Variants in KIFBP observed in about 807,000 individuals in gnomAD.
KIFBP encodes kinesin family binding protein.
Under a neutral mutation model 58.9 loss-of-function variants are expected in KIFBP, and 46 were observed. The observed-to-expected ratio is 0.78, with a 90% CI of 0.62 to 1.00. The LOEUF is 1.00. Among genes scored for constraint, KIFBP ranks in the 50% least tolerant of loss-of-function variants. The pLI, the probability that KIFBP is intolerant of heterozygous loss-of-function variation, is 0.00. For missense variants in KIFBP, 651 were observed against 752.9 expected, an observed-to-expected ratio of 0.86 and a Z score of 1.58; for synonymous variants, 241 against 283.4, an observed-to-expected ratio of 0.85 and a Z score of 1.50.
intron 4 of KIFBP, among the ~76,000 whole-genome samples, chr10:69,008,380 A>AC (rs1462323409): frequency 1.2e-5 from 1 of 80,902 alleles, no homozygotes; most frequent in Non-Finnish European, 2.5e-5. Context: ...TGTCTCGTAA[A>AC]AAAAAAAAAA....
intron 4 of KIFBP, among the ~76,000 whole-genome samples, chr10:69,006,470 C>T (rs1213669723): frequency 6.6e-6 from 1 of 152,048 alleles, no homozygotes; most frequent in East Asian, 1.9e-4. Flanking sequence ...TTTTGAGCTT[C>T]TTAGTTGTTT....
intron 1 of KIFBP, chr10:68,991,522 G>A: frequency 4.6e-6 from 2 of 437,336 alleles, no homozygotes; most frequent in Non-Finnish European, 9.5e-6. Flanking sequence ...GACATGCACT[G>A]GTCCAGAAGC....
intron 1 of KIFBP, among the ~76,000 whole-genome samples, chr10:68,997,230 C>T (rs1349031787): frequency 6.6e-6 from 1 of 152,112 alleles, no homozygotes; most frequent in African/African-American, 2.4e-5. Flanking sequence ...AGAGGCTTGA[C>T]ATAATAGAGG....
rs546259648 is a variant in KIFBP at position 68,994,415 on chromosome 10, G to A, written c.426+5157G>A. The stretch of plus-strand genomic sequence containing the variant: ...TCTTAATCTGGTGTATTCTCCTTGG[G>A]GAACTACAGAACTTGGCTCTATATT... On this transcript the variant is annotated intron_variant, in intron 1 of 6. Transcript: ENST00000361983. Among the ~76,000 whole-genome samples, 5 of 151,996 alleles carry A rather than the reference G, an allele frequency of 3.3e-5. No homozygotes were observed. In the East Asian group the frequency reaches 9.6e-4, roughly 29 times the overall value.
At chr10:69,005,239 C>T (rs956998362) in intron 3 of KIFBP, 114 bp downstream of exon 3, 1 of 758,434 alleles carries the variant, frequency 1.3e-6, no homozygotes, top group African/African-American at 1.7e-5. Context: ...AGGAGTAAAA[C>T]CTCCATTTAC....
chr10:68,989,280 C>G (rs1310251264), intron 1 of KIFBP, 22 bp downstream of exon 1: 2 of 1,610,224 alleles, frequency 1.2e-6, no homozygotes, highest in East Asian at 4.5e-5. Context: ...CCCGGCCAGG[C>G]CGGCCCCTGT....
chr10:69,010,337 T>G (rs1406621962), intron 5 of KIFBP, among the ~76,000 whole-genome samples: 4 of 152,348 alleles, frequency 2.6e-5, no homozygotes, highest in African/African-American at 9.6e-5. Context: ...TCCAGACAGA[T>G]TTTTGCACAA....
At chr10:69,009,715 A>G (rs1231508723) in intron 5 of KIFBP, among the ~76,000 whole-genome samples, 1 of 152,192 alleles carries the variant, frequency 6.6e-6, no homozygotes, top group East Asian at 1.9e-4. Flanking sequence ...TGTTTCCTTT[A>G]GTCTTAGAAA....
At chr10:69,008,391 A>ATAATATATATATATAT (rs1554843385) in intron 4 of KIFBP, among the ~76,000 whole-genome samples, 1 of 71,614 alleles carries the variant, frequency 1.4e-5, no homozygotes, top group African/African-American at 7.8e-5. Context: ...AAAAAAAAAA[A>ATAATATATATATATAT]ATATATATAT....
chr10:68,998,770 T>TA (rs1237683767), intron 1 of KIFBP, among the ~76,000 whole-genome samples: 3 of 99,656 alleles, frequency 3.0e-5, no homozygotes, highest in African/African-American at 1.3e-4. Context: ...TATATATATA[T>TA]ATTTTTTTTT....
At chr10:68,994,083 G>A (rs1843379111) in intron 1 of KIFBP, among the ~76,000 whole-genome samples, 2 of 152,110 alleles carry the variant, frequency 1.3e-5, no homozygotes, top group South Asian at 4.1e-4. Context: ...CAGCTACTCA[G>A]GAGGCTGTGG....
At position 69,008,858 on chromosome 10, in the gene KIFBP, C is replaced by T. The variant is rs1843563861; in HGVS notation, c.807C>T (p.Ala269=). Residue 269 remains alanine (A), a synonymous_variant, in exon 5 of 7, where the codon GCC becomes GCT. Transcript: ENST00000361983. ...FYINKLCFME[A]RHCLSAANVI... is the part of the protein sequence containing the mutation. Reference sequence around the variant, plus strand: ...CCCAATAGCTATGCTTTATGGAGGCCAGGCACTGTTTATCAGCTGCTAATG... The same window carrying T: ...CCCAATAGCTATGCTTTATGGAGGCTAGGCACTGTTTATCAGCTGCTAATG... The T allele has an allele frequency of 1.9e-6, 3 of 1,613,328 alleles. No homozygotes were observed. In the African/African-American group the frequency reaches 4.0e-5, roughly 22 times the overall value.
At chr10:69,005,206 G>A in intron 3 of KIFBP, 81 bp downstream of exon 3, 1 of 1,050,068 alleles carries the variant, frequency 9.5e-7, no homozygotes, top group Non-Finnish European at 1.5e-6. Context: ...CACTTATAAA[G>A]GTTATAGAAT....
chr10:69,013,629 C>T (rs1241230350), intron 6 of KIFBP, among the ~76,000 whole-genome samples: 1 of 152,152 alleles, frequency 6.6e-6, no homozygotes, highest in African/African-American at 2.4e-5. Flanking sequence ...AAGCAAATCG[C>T]ACTATGATTT....
At position 68,989,034 on chromosome 10, in the gene KIFBP, G is replaced by A. The variant is rs201068859; in HGVS notation, c.202G>A (p.Gly68Ser). ...DERPEAEDGP[G>S]AGDHALGLPA... ...GCGGCCTGAGGCCGAGGACGGCCCG[G>A]GTGCCGGTGACCACGCCCTGGGGCT... Residue 68 changes from glycine (G) to serine (S), a missense_variant, in exon 1 of 7, where the codon GGT becomes AGT. Transcript: ENST00000361983. 6.2e-7 allele frequency: 1 copy of A among 1,613,500 alleles called. No individual in the cohort carries two copies. The highest frequency in any genetic ancestry group is 8.5e-7 in the Non-Finnish European group (1 of 1,179,712).
At chr10:68,991,482 T>C in intron 1 of KIFBP, 1 of 384,994 alleles carries the variant, frequency 2.6e-6, no homozygotes. Flanking sequence ...GATGTCGATG[T>C]CTCCGAACTA....
chr10:69,004,284 G>A (rs1013872453), intron 2 of KIFBP, among the ~76,000 whole-genome samples: 8 of 149,264 alleles, frequency 5.4e-5, no homozygotes, highest in Non-Finnish European at 1.0e-4. Flanking sequence ...TGTAGTTTCA[G>A]CACTTTGGGA....
intron 2 of KIFBP, among the ~76,000 whole-genome samples, chr10:69,001,960 A>G (rs970142244): frequency 2.0e-5 from 3 of 151,992 alleles, no homozygotes; most frequent in African/African-American, 7.3e-5. Flanking sequence ...ACTTGAGCCC[A>G]GGAGTTTGAG....
chr10:69,010,595 A>G (rs1163875767), intron 5 of KIFBP, among the ~76,000 whole-genome samples: 2 of 152,226 alleles, frequency 1.3e-5, no homozygotes, highest in African/African-American at 4.8e-5. Context: ...AATTAGAAGA[A>G]TGGTTAAATA....
Sources: gnomAD v4.1 joint callset for allele counts (sites outside exome capture counted in the v4.1 genomes callset) on GRCh38, gnomAD v4.1.1 for gene constraint, MANE v1.5 for transcripts, NCBI Gene and HGNC (gene_info 2026-07-23, HGNC 2026-07-21) for gene names.